The following CRYBG3 variants were observed in gnomAD, a reference collection of about 807,000 sequenced individuals.
The protein encoded by CRYBG3 is very large A-kinase anchor protein.
A neutral mutation model predicts 244.2 loss-of-function variants in CRYBG3; 127 were observed. The observed-to-expected ratio is 0.52, with a 90% confidence interval of 0.45 to 0.60. CRYBG3 has a LOEUF of 0.60. CRYBG3 is among the 20% of genes least tolerant of loss of function. The pLI, the probability that CRYBG3 is intolerant of heterozygous loss-of-function variation, is 0.00. For synonymous variants in CRYBG3, 1,132 were observed against 1,195.8 expected (o/e 0.95, Z 1.10); for missense variants, 3,325 against 3,442.5 (o/e 0.97, Z 0.85).
At position 97,875,349 on chromosome 3, in the gene CRYBG3, C is replaced by G. The variant is rs2039358514; in HGVS notation, c.4155C>G (p.Asn1385Lys). The change falls in exon 4 of 22, where the codon AAC (asparagine) becomes AAG (lysine). Residue 1385 changes from asparagine (N) to lysine (K), a missense_variant. Physicochemically the swap from Asn to Lys is moderately conservative, Grantham distance 94. This residue lies in a region of CRYBG3 where 635 missense variants were observed against 771.7 expected (regional missense o/e 0.82). Transcript: ENST00000389622. ...KVLNEFFSLS[N>K]LASGTESIKG... is the part of the protein sequence containing the mutation. ...TAAATGAATTCTTCTCCCTAAGTAA[C>G]TTAGCTAGTGGCACAGAGTCAATTA... The G allele has an allele frequency of 3.5e-6, 5 of 1,427,784 alleles. No homozygotes were observed. The East Asian group carries it at 1.3e-4, about 36-fold the overall frequency. The allele number at this position is 1,427,784 out of a possible 1,614,324, so 88.4% of individuals were successfully genotyped here. A position where few individuals can be genotyped will look rare whatever the true frequency, so the allele number is the denominator to read the frequency against.
rs1417190140 is a variant in CRYBG3, at chr3:97,876,493, C to CA, written c.5306dup (p.Asn1769LysfsTer10). 8.1e-7 allele frequency: 1 copy of CA among 1,231,800 alleles called. No individual in the cohort carries two copies. The highest frequency in any genetic ancestry group is 4.1e-5 in the South Asian group (1 of 24,300). The allele number at this position is 1,231,800 out of a possible 1,614,324, so 76.3% of individuals were successfully genotyped here. A position where few individuals can be genotyped will look rare whatever the true frequency, so the allele number is the denominator to read the frequency against. ...TGCATTAGAGGTAGTAAATACTTAC[C>CA]AAAAAAATGCCAAAGGTTTTACCGG... On this transcript the variant is annotated frameshift_variant, in exon 4 of 22. Transcript: ENST00000389622. LOFTEE classifies it high-confidence loss of function.
rs566434250 is a variant in CRYBG3, at chr3:97,938,155, A to C, written c.8505+1247A>C. Among the ~76,000 whole-genome samples, 26 of 139,166 alleles carry C rather than the reference A, an allele frequency of 1.9e-4. No homozygotes were observed. The East Asian group carries it at 6.2e-3, about 33-fold the overall frequency. 91.3% of individuals were successfully genotyped at this position (139,166 alleles called of 152,430 possible). ...GATTCCAACAACAGTCCTTTGAGGT[A>C]GGAATTATTATCCCCATTTTCTAGT... On this transcript the variant is annotated intron_variant, in intron 19 of 21. Transcript: ENST00000389622.
At chr3:97,847,378 G>A (rs1406617023) in intron 2 of CRYBG3, among the ~76,000 whole-genome samples, 3 of 152,150 alleles carry the variant, frequency 2.0e-5, no homozygotes, top group African/African-American at 7.2e-5. Context: ...GTGTTAAACA[G>A]AATTTGTATC....
At chr3:97,910,082 A>C (rs1269463287) in intron 15 of CRYBG3, among the ~76,000 whole-genome samples, 2 of 151,772 alleles carry the variant, frequency 1.3e-5, no homozygotes, top group East Asian at 3.9e-4. Context: ...TCAGGGACCC[A>C]CTTGAGGAGG....
intron 1 of CRYBG3, among the ~76,000 whole-genome samples, chr3:97,829,685 A>G (rs1170513060): frequency 1.3e-5 from 2 of 152,182 alleles, no homozygotes; most frequent in Non-Finnish European, 2.9e-5. Flanking sequence ...CCTGTGTTTA[A>G]AAAGAATTAA....
At chr3:97,901,250 A>G (rs1269282232) in intron 15 of CRYBG3, among the ~76,000 whole-genome samples, 1 of 152,212 alleles carries the variant, frequency 6.6e-6, no homozygotes. Context: ...AGAGGGGGTG[A>G]GAGACATTGT....
At chr3:97,896,202 T>A in intron 12 of CRYBG3, 117 bp downstream of exon 12, 1 of 895,022 alleles carries the variant, frequency 1.1e-6, no homozygotes, top group Non-Finnish European at 1.6e-6. Context: ...CCAAGAGTAT[T>A]AACCTCAACT....
chr3:97,824,603 T>A (rs1391372291), intron 1 of CRYBG3, among the ~76,000 whole-genome samples: 1 of 152,146 alleles, frequency 6.6e-6, no homozygotes, highest in East Asian at 1.9e-4. Context: ...GTGCTGTGAT[T>A]TATATGGGCT....
At chr3:97,916,266 T>A (rs1255900120) in intron 17 of CRYBG3, among the ~76,000 whole-genome samples, 3 of 152,184 alleles carry the variant, frequency 2.0e-5, no homozygotes, top group Admixed American at 6.6e-5. Context: ...GCTACTAAGG[T>A]TAACTATGTT....
At chr3:97,937,375 C>T (rs556749385) in intron 19 of CRYBG3, among the ~76,000 whole-genome samples, 1 of 152,230 alleles carries the variant, frequency 6.6e-6, no homozygotes, top group East Asian at 1.9e-4. Context: ...ACCCGCTACC[C>T]CACCTTGCTT....
intron 17 of CRYBG3, among the ~76,000 whole-genome samples, chr3:97,920,832 A>G (rs1005138587): frequency 4.6e-5 from 7 of 152,104 alleles, no homozygotes; most frequent in African/African-American, 9.7e-5. Flanking sequence ...ACCCAGCCCC[A>G]TGATATGTCT....
Position 97,877,915 on chromosome 3 carries a change from C to A in CRYBG3, c.6721C>A (p.Leu2241Met). Residue 2241 changes from leucine (L) to methionine (M), a missense_variant, in exon 4 of 22, where the codon CTG becomes ATG. Transcript: ENST00000389622. ...TTTAAAGAGTGCTTATCATCAGTAT[C>A]TGCAGACTTCCCAAAGTCATTCCTC... ...SSLKSAYHQYLQTSQSHSSEK... is the reference protein window; with the variant it reads ...SSLKSAYHQYMQTSQSHSSEK... The A allele has an allele frequency of 6.2e-7, 1 of 1,614,114 alleles. No homozygotes were observed. The highest frequency in any genetic ancestry group is 8.5e-7 in the Non-Finnish European group (1 of 1,179,978).
In CRYBG3 at chr3:97,886,848, G is replaced by A. The variant is rs552858798; in HGVS notation, c.7289+81G>A. ...AATAGATGACATACATTTTTCTAAA[G>A]TTTCTAGCTAATGTTTATACTCTCA... On this transcript the variant is annotated intron_variant, in intron 8 of 21. Transcript: ENST00000389622. 67 of 1,223,256 alleles carry A rather than the reference G, an allele frequency of 5.5e-5. 1 individual carries two copies. In the South Asian group the frequency reaches 1.0e-3, roughly 18 times the overall value. 75.8% of individuals were successfully genotyped at this position (1,223,256 alleles called of 1,614,324 possible).
chr3:97,886,919 A>T, intron 8 of CRYBG3, 152 bp downstream of exon 8: 2 of 612,338 alleles, frequency 3.3e-6, no homozygotes, highest in Non-Finnish European at 5.5e-6. Context: ...TTTGGATCTA[A>T]TTAGAGCTTT....
chr3:97,920,186 T>TA (rs1324793636), intron 17 of CRYBG3, among the ~76,000 whole-genome samples: 1 of 152,196 alleles, frequency 6.6e-6, no homozygotes, highest in African/African-American at 2.4e-5. Flanking sequence ...AATACTGTGC[T>TA]AAGTACTGAA....
chr3:97,832,045 A>C (rs1350494102), intron 1 of CRYBG3, among the ~76,000 whole-genome samples: 1 of 152,110 alleles, frequency 6.6e-6, no homozygotes, highest in African/African-American at 2.4e-5. Flanking sequence ...TGAACTCCAT[A>C]ACCTAACCTC....
intron 21 of CRYBG3, chr3:97,942,705 C>T (rs1393710754): frequency 3.2e-6 from 1 of 313,182 alleles, no homozygotes; most frequent in African/African-American, 2.2e-5. Flanking sequence ...TTCTAAATTT[C>T]AAGCACCATA....
chr3:97,927,796 T>A (rs1365990927), intron 17 of CRYBG3, among the ~76,000 whole-genome samples: 2 of 151,980 alleles, frequency 1.3e-5, no homozygotes, highest in Non-Finnish European at 2.9e-5. Flanking sequence ...CCAACAAGCA[T>A]ATGAAAAAAT....
rs2040280208 is a variant in CRYBG3 at position 97,943,525 on chromosome 3, A to G, written c.*211A>G. On this transcript the variant is annotated 3_prime_UTR_variant, in exon 22 of 22. Coordinates refer to ENST00000389622, the MANE Select transcript of CRYBG3 (RefSeq NM_153605.4). Reference sequence around the variant, plus strand: ...ATTACTCAGTGTTCCTATAAAGAAAATATTATGATATCTTGGAAAGGTTCT... The same window carrying G: ...ATTACTCAGTGTTCCTATAAAGAAAGTATTATGATATCTTGGAAAGGTTCT... 4.0e-6 allele frequency: 2 copies of G among 504,710 alleles called. No individual in the cohort carries two copies. The highest frequency in any genetic ancestry group is 6.9e-6 in the Non-Finnish European group (2 of 290,636). The allele number at this position is 504,710 out of a possible 1,614,324, so 31.3% of individuals were successfully genotyped here.
Sources: gnomAD v4.1 joint callset for allele counts (sites outside exome capture counted in the v4.1 genomes callset) on GRCh38, gnomAD v4.1.1 for gene constraint, gnomAD v4.1.1 regional missense constraint, MANE v1.5 for transcripts, NCBI Gene and HGNC (gene_info 2026-07-23, HGNC 2026-07-21) for gene names.